Variants in KSR2 observed in about 807,000 individuals in gnomAD.
The protein encoded by KSR2 is kinase suppressor of ras 2.
KSR2 carries 25 observed loss-of-function variants against 107.8 expected under a neutral mutation model. That is an observed-to-expected ratio of 0.23 (90% CI 0.17 to 0.32). The LOEUF (loss-of-function observed/expected upper bound fraction) is 0.32, where lower values mean the gene tolerates loss of function less well. Ranked by LOEUF, KSR2 falls within the 10% of genes least tolerant of loss-of-function variation. KSR2 has a pLI of 1.00. For synonymous variants in KSR2, 480 were observed against 507.0 expected (o/e 0.95, Z 0.71); for missense variants, 887 against 1,268.9 (o/e 0.70, Z 4.57).
intron 3 of KSR2, among the ~76,000 whole-genome samples, chr12:117,784,533 T>C (rs930405722): frequency 9.2e-5 from 14 of 152,148 alleles, no homozygotes; most frequent in Non-Finnish European, 1.6e-4. Flanking sequence ...CAGTACCAAA[T>C]AGGGAGTTGT....
chr12:117,939,943 A>AC (rs1485182797), intron 1 of KSR2, among the ~76,000 whole-genome samples: 18 of 94,580 alleles, frequency 1.9e-4, no homozygotes, highest in East Asian at 5.7e-4. Flanking sequence ...TCCATCTTAA[A>AC]AACACACACA....
At chr12:117,515,389 G>A (rs1874304436) in intron 14 of KSR2, among the ~76,000 whole-genome samples, 2 of 152,166 alleles carry the variant, frequency 1.3e-5, no homozygotes, top group Non-Finnish European at 2.9e-5. Flanking sequence ...CTTGCCTAGA[G>A]GAGCAGGCTG....
intron 5 of KSR2, 52 bp downstream of exon 5, chr12:117,667,422 G>T: frequency 6.5e-7 from 1 of 1,530,566 alleles, no homozygotes; most frequent in Non-Finnish European, 8.9e-7. Context: ...GTGCTGGGGA[G>T]AAGGAGGTGG....
chr12:117,587,900 T>C (rs1880103952), intron 5 of KSR2, among the ~76,000 whole-genome samples: 2 of 152,008 alleles, frequency 1.3e-5, no homozygotes. Context: ...CCTGCCAGGC[T>C]GTAACTGGAA....
At chr12:117,502,626 A>G (rs75090222) in intron 14 of KSR2, among the ~76,000 whole-genome samples, 3,446 of 152,262 alleles carry the variant, frequency 0.023, 146 homozygotes, top group African/African-American at 0.077. Context: ...ACTAAAAACT[A>G]TTGACACTGT....
At chr12:117,659,089 G>A (rs1301750838) in intron 5 of KSR2, among the ~76,000 whole-genome samples, 3 of 152,252 alleles carry the variant, frequency 2.0e-5, no homozygotes, top group Middle Eastern at 3.4e-3. Context: ...GGGTTACTGG[G>A]ACAAAGGCAG....
In KSR2 at chr12:117,968,955, C is replaced by T; in HGVS notation, c.-700G>A. The stretch of plus-strand genomic sequence containing the variant: ...GGGGTGACGGTTGCTGCAATCGCTC[C>T]TGCCTCGCTCCACACCGACATCTTG... On this transcript the variant is annotated 5_prime_UTR_variant, in exon 1 of 20. Coordinates refer to ENST00000339824, the MANE Select transcript of KSR2 (RefSeq NM_173598.6). 5.1e-6 allele frequency: 1 copy of T among 196,920 alleles called. No homozygotes were observed. The highest frequency in any genetic ancestry group is 6.5e-5 in the South Asian group (1 of 15,382). 12.2% of individuals were successfully genotyped at this position (196,920 alleles called of 1,614,324 possible).
At chr12:117,775,197 G>GT (rs1889645048) in intron 3 of KSR2, among the ~76,000 whole-genome samples, 1 of 152,134 alleles carries the variant, frequency 6.6e-6, no homozygotes, top group African/African-American at 2.4e-5. Context: ...GGGTCAGATG[G>GT]TAACTCTGTG....
intron 2 of KSR2, among the ~76,000 whole-genome samples, chr12:117,858,660 T>G (rs115752971): frequency 0.011 from 1,656 of 152,288 alleles, 29 homozygotes; most frequent in African/African-American, 0.038. Flanking sequence ...TGCCCAGCTC[T>G]GGGGGGACCC....
intron 9 of KSR2, among the ~76,000 whole-genome samples, chr12:117,551,556 T>C (rs1007855194): frequency 6.6e-6 from 1 of 151,300 alleles, no homozygotes; most frequent in African/African-American, 2.4e-5. Context: ...ACTTCCTGTT[T>C]CCAAAATCTA....
chr12:117,796,086 C>A (rs991290408), intron 3 of KSR2, among the ~76,000 whole-genome samples: 3 of 133,558 alleles, frequency 2.2e-5, no homozygotes, highest in Admixed American at 8.4e-5. Context: ...GCCACCATGC[C>A]TAGCTAATTT....
chr12:117,718,475 A>T (rs572831235), intron 4 of KSR2, among the ~76,000 whole-genome samples: 1 of 151,954 alleles, frequency 6.6e-6, no homozygotes, highest in South Asian at 2.1e-4. Flanking sequence ...CTTGGCAGAA[A>T]CCTCCTGTGG....
chr12:117,748,524 T>C (rs893236543), intron 4 of KSR2, among the ~76,000 whole-genome samples: 4 of 152,198 alleles, frequency 2.6e-5, no homozygotes, highest in African/African-American at 9.7e-5. Flanking sequence ...CCACAATGTA[T>C]ACATATATAG....
intron 3 of KSR2, among the ~76,000 whole-genome samples, chr12:117,830,699 G>C (rs1484698145): frequency 6.6e-6 from 1 of 152,020 alleles, no homozygotes; most frequent in Admixed American, 6.6e-5. Context: ...GCAGACGTGG[G>C]GAGAAACAAA....
intron 1 of KSR2, among the ~76,000 whole-genome samples, chr12:117,932,092 A>G (rs1450596710): frequency 1.3e-5 from 2 of 151,048 alleles, no homozygotes; most frequent in African/African-American, 2.4e-5. Flanking sequence ...TTTGAGACCA[A>G]CCTGGTCAAC....
intron 9 of KSR2, among the ~76,000 whole-genome samples, chr12:117,543,907 C>T (rs1436987032): frequency 6.6e-6 from 1 of 152,194 alleles, no homozygotes; most frequent in Non-Finnish European, 1.5e-5. Context: ...ATTGCAGTTG[C>T]ATCACTCTAA....
intron 3 of KSR2, among the ~76,000 whole-genome samples, chr12:117,781,206 A>G (rs79754699): frequency 6.6e-6 from 1 of 152,206 alleles, no homozygotes; most frequent in African/African-American, 2.4e-5. Flanking sequence ...GTCTTCCGCC[A>G]TGATCGTGAG....
Position 117,968,349 on chromosome 12 carries a change from AC to A in KSR2, c.-95del. 1 of 1,403,116 alleles carries A rather than the reference AC, an allele frequency of 7.1e-7. No homozygotes were observed. Among genetic ancestry groups the A allele is most frequent in the South Asian group, 1.6e-5 (1 of 60,686 alleles). 86.9% of individuals were successfully genotyped at this position (1,403,116 alleles called of 1,614,324 possible). On this transcript the variant is annotated 5_prime_UTR_variant, in exon 1 of 20. It adds an upstream start codon to the 5' untranslated region. Coordinates refer to ENST00000339824, the MANE Select transcript of KSR2 (RefSeq NM_173598.6). The stretch of plus-strand genomic sequence containing the variant: ...TAGTCTACCCTCCGCCTCTCCAACC[AC>A]TGCGACTTCTCAACAATGTCTCATG...
At chr12:117,556,201 C>T (rs1197769665) in intron 8 of KSR2, among the ~76,000 whole-genome samples, 1 of 119,894 alleles carries the variant, frequency 8.3e-6, no homozygotes, top group East Asian at 2.8e-4. Context: ...GAACAAAAGG[C>T]GGCATGGCCT....
Sources: allele counts gnomAD v4.1 joint callset (sites outside exome capture counted in the v4.1 genomes callset), GRCh38; gene constraint gnomAD v4.1.1; transcripts MANE v1.5; gene names NCBI Gene and HGNC (gene_info 2026-07-23, HGNC 2026-07-21).